PAXIP1: variants seen among roughly 807,000 people sequenced by gnomAD.
PAXIP1 encodes the protein PAX-interacting protein 1.
A neutral mutation model predicts 140.6 loss-of-function variants in PAXIP1; 19 were observed. The observed-to-expected ratio is 0.14, with a 90% confidence interval of 0.09 to 0.20. The LOEUF (loss-of-function observed/expected upper bound fraction) is 0.20, where lower values mean the gene tolerates loss of function less well. PAXIP1 is among the 10% of genes least tolerant of loss of function. The pLI is 1.00. For missense variants in PAXIP1, 920 were observed against 1,208.6 expected (o/e 0.76, Z 3.54); for synonymous variants, 442 against 444.6 (o/e 0.99, Z 0.07).
intron 2 of PAXIP1, among the ~76,000 whole-genome samples, chr7:154,994,417 T>C (rs1810481189): frequency 6.6e-6 from 1 of 152,156 alleles, no homozygotes; most frequent in Non-Finnish European, 1.5e-5. Flanking sequence ...CATTACTACA[T>C]TCTGGAAGGC....
In PAXIP1 at chr7:155,003,110, C is replaced by T. The variant is rs1347089954; in HGVS notation, c.-181G>A. 9.3e-5 allele frequency: 15 copies of T among 161,848 alleles called. No homozygotes were observed. The highest frequency in any genetic ancestry group is 1.9e-4 in the Non-Finnish European group (15 of 79,012). The allele number at this position is 161,848 out of a possible 1,614,324, so 10.0% of individuals were successfully genotyped here. On this transcript the variant is annotated 5_prime_UTR_variant, in exon 1 of 21. Coordinates refer to ENST00000404141, the MANE Select transcript of PAXIP1 (RefSeq NM_007349.4). ...CTCCGCGCCCCCGCCCGCGCCCGCG[C>T]CGAGCGCCCGAAGCGCGGGAGCCGC... is the stretch of plus-strand genomic sequence containing the variant.
At chr7:154,951,779 GGCAAACTAATTTTCA>G (rs1439061420) in intron 16 of PAXIP1, 1 of 152,140 alleles carries the variant, frequency 6.6e-6, no homozygotes, top group Non-Finnish European at 1.5e-5. Context: ...TTGGCTGCTT[GGCAAACTAATTTTCA>G]AAGAATTAGC....
chr7:154,995,882 T>A (rs1474655634), intron 2 of PAXIP1, among the ~76,000 whole-genome samples: 1 of 152,140 alleles, frequency 6.6e-6, no homozygotes, highest in Non-Finnish European at 1.5e-5. Context: ...TCAGCAAAAT[T>A]AACATTTCCA....
intron 11 of PAXIP1, 131 bp from the exon 12 acceptor site, chr7:154,961,208 A>C: frequency 4.2e-6 from 3 of 721,302 alleles, no homozygotes; most frequent in Non-Finnish European, 6.6e-6. Context: ...ATCCTAGCAA[A>C]GTTGAGGGTG....
rs372565279 is a variant in PAXIP1, at chr7:154,963,529, T to A, written c.1989+142A>T. ...CAAAAGATATCAATCCCACCAAAGA[T>A]TCGATCACAGGAAGAAGGAATTTTC... On this transcript the variant is annotated intron_variant, in intron 9 of 20. Coordinates refer to ENST00000404141, the MANE Select transcript of PAXIP1 (RefSeq NM_007349.4). This position sits in a 1 kb window ranked among gnomAD's most constrained non-coding sequence, Gnocchi z 4.1. The A allele has an allele frequency of 3.3e-6, 2 of 615,110 alleles. No homozygotes were observed. Among genetic ancestry groups the A allele is most frequent in the Admixed American group, 2.7e-5 (1 of 37,038 alleles). 38.1% of individuals were successfully genotyped at this position (615,110 alleles called of 1,614,324 possible).
intron 5 of PAXIP1, among the ~76,000 whole-genome samples, chr7:154,979,247 G>A (rs984663980): frequency 6.6e-6 from 1 of 152,048 alleles, no homozygotes; most frequent in African/African-American, 2.4e-5. Flanking sequence ...ACCATACCCC[G>A]TTTCTGTTGG....
At chr7:154,972,658 T>C (rs1809381600) in intron 6 of PAXIP1, among the ~76,000 whole-genome samples, 1 of 152,186 alleles carries the variant, frequency 6.6e-6, no homozygotes, top group Non-Finnish European at 1.5e-5. Context: ...AGTAGCCATT[T>C]CTCGAAGTGC....
intron 4 of PAXIP1, among the ~76,000 whole-genome samples, chr7:154,987,640 C>A (rs1448401419): frequency 6.6e-6 from 1 of 152,214 alleles, no homozygotes; most frequent in East Asian, 1.9e-4. Context: ...CATCTCCCCT[C>A]GCCAATCAGG....
chr7:154,994,081 G>A (rs1441937012), intron 2 of PAXIP1, among the ~76,000 whole-genome samples: 3 of 151,922 alleles, frequency 2.0e-5, no homozygotes, highest in African/African-American at 7.3e-5. Context: ...CACCCATCCT[G>A]CCCCACCACC....
Position 154,946,474 on chromosome 7 carries a change from G to T in PAXIP1, c.3133+38C>A. The T allele has an allele frequency of 6.2e-7, 1 of 1,609,216 alleles. No individual in the cohort carries two copies. Among genetic ancestry groups the T allele is most frequent in the African/African-American group, 1.3e-5 (1 of 74,926 alleles). ...TTTAGTTAGAGATCCACTGCTGTGC[G>T]TGCACACATACTCACACAGGTAAGC... is the stretch of plus-strand genomic sequence containing the variant. On this transcript the variant is annotated intron_variant, in intron 19 of 20. Coordinates refer to ENST00000404141, the MANE Select transcript of PAXIP1 (RefSeq NM_007349.4). This position sits in a 1 kb window ranked among gnomAD's most constrained non-coding sequence, Gnocchi z 4.9.
intron 3 of PAXIP1, among the ~76,000 whole-genome samples, chr7:154,991,976 C>A (rs1178043513): frequency 6.6e-6 from 1 of 152,126 alleles, no homozygotes; most frequent in South Asian, 2.1e-4. Context: ...TGAGACTTCC[C>A]TGGCTGTAAA....
intron 13 of PAXIP1, among the ~76,000 whole-genome samples, 184 bp downstream of exon 13, chr7:154,959,706 T>A (rs989681613): frequency 2.0e-5 from 3 of 152,216 alleles, no homozygotes; most frequent in African/African-American, 7.2e-5. Context: ...TTGCTTCCAG[T>A]GGTTCTTAAA....
chr7:154,947,380 T>C (rs1229991668), intron 17 of PAXIP1: 1 of 155,436 alleles, frequency 6.4e-6, no homozygotes. Context: ...AAAGAACCGA[T>C]TATCTTTATT....
At chr7:154,948,248 A>T in intron 16 of PAXIP1, 1 of 437,400 alleles carries the variant, frequency 2.3e-6, no homozygotes, top group South Asian at 2.9e-5. Flanking sequence ...GGGGTCATAA[A>T]CTCTTGAAAA....
chr7:154,968,314 G>T, intron 7 of PAXIP1, 89 bp downstream of exon 7: 1 of 1,066,620 alleles, frequency 9.4e-7, no homozygotes, highest in Non-Finnish European at 1.3e-6. Flanking sequence ...GTTTTGATAT[G>T]AATCCTCACC....
rs989878151 is a variant in PAXIP1 at position 154,998,622 on chromosome 7, T to C, written c.216+28A>G. ...TGCTTGCAAGATACTGAGGAAAAGA[T>C]ATAAAACAAATTATGTTTACTACTG... is the stretch of plus-strand genomic sequence containing the variant. On this transcript the variant is annotated intron_variant, in intron 2 of 20. Transcript: ENST00000404141. 12 of 1,596,560 alleles carry C rather than the reference T, an allele frequency of 7.5e-6. No homozygotes were observed. The African/African-American group carries it at 1.5e-4, about 20-fold the overall frequency.
intron 13 of PAXIP1, among the ~76,000 whole-genome samples, 165 bp downstream of exon 13, chr7:154,959,725 C>T (rs1384740595): frequency 1.3e-5 from 2 of 152,166 alleles, no homozygotes; most frequent in African/African-American, 4.8e-5. Context: ...AAGTTCTTGC[C>T]TTTCTAACCC....
At position 154,963,781 on chromosome 7, in the gene PAXIP1, C is replaced by G. The variant is rs750072442; in HGVS notation, c.1894-15G>C. 1 of 1,580,600 alleles carries G rather than the reference C, an allele frequency of 6.3e-7. No individual in the cohort carries two copies. Among genetic ancestry groups the G allele is most frequent in the East Asian group, 2.2e-5 (1 of 44,660 alleles). On this transcript the variant is annotated splice_polypyrimidine_tract_variant and intron_variant, in intron 8 of 20. Coordinates refer to ENST00000404141, the MANE Select transcript of PAXIP1 (RefSeq NM_007349.4). This position sits in a 1 kb window ranked among gnomAD's most constrained non-coding sequence, Gnocchi z 4.1. ...GCCTGGATTATCTACACACAAAGAC[C>G]CGACCAATGCAGTCATCAATCACTC...
chr7:154,985,477 C>T (rs1259845613), intron 4 of PAXIP1, among the ~76,000 whole-genome samples: 1 of 152,104 alleles, frequency 6.6e-6, no homozygotes, highest in South Asian at 2.1e-4. Context: ...CTTTCCTGTG[C>T]CCCGCTGCGC....
Sources: allele counts gnomAD v4.1 joint callset (sites outside exome capture counted in the v4.1 genomes callset), GRCh38; gene constraint gnomAD v4.1.1; non-coding constraint Gnocchi (gnomAD v3.1); transcripts MANE v1.5; gene names NCBI Gene and HGNC (gene_info 2026-07-23, HGNC 2026-07-21).